Variants in CFAP61 observed in about 807,000 individuals in gnomAD.
CFAP61 encodes cilia and flagella associated protein 61, also known as cilia- and flagella-associated protein 61.
CFAP61 carries 107 observed loss-of-function variants against 135.6 expected under a neutral mutation model. That is an observed-to-expected ratio of 0.79 (90% CI 0.67 to 0.93). The LOEUF (loss-of-function observed/expected upper bound fraction) is 0.93, where lower values mean the gene tolerates loss of function less well. CFAP61 is among the 40% of genes least tolerant of loss of function. The pLI is 0.00. For missense variants in CFAP61, 1,507 were observed against 1,556.2 expected (o/e 0.97, Z 0.53); for synonymous variants, 575 against 578.5 (o/e 0.99, Z 0.09).
intron 24 of CFAP61, among the ~76,000 whole-genome samples, chr20:20,294,656 C>T (rs1601855768): frequency 2.6e-5 from 4 of 152,240 alleles, no homozygotes; most frequent in South Asian, 2.1e-4. Context: ...AGGTCGGGCG[C>T]GGTGGCTCAC....
intron 18 of CFAP61, among the ~76,000 whole-genome samples, chr20:20,244,177 A>G (rs1442604662): frequency 6.6e-6 from 1 of 152,026 alleles, no homozygotes; most frequent in African/African-American, 2.4e-5. Context: ...TGGTAGATCT[A>G]CCATTCTGGG....
rs114442015 is a variant in CFAP61, at chr20:20,298,292, G to A, written c.3328G>A (p.Ala1110Thr). The change falls in exon 25 of 27, where the codon GCC becomes ACC. Residue 1110 changes from alanine (A) to threonine (T), a missense_variant. Transcript: ENST00000245957. ...ITCLSREPFP[A>T]SNYIRLFGQH... is the part of the protein sequence containing the mutation. ...GTGCCTTTCTAGGGAGCCCTTCCCC[G>A]CCTCCAACTACATCCGCTTGTTTGG... The A allele has an allele frequency of 1.6e-4, 253 of 1,614,022 alleles. 1 individual carries two copies. The East Asian group carries it at 4.6e-3, about 29-fold the overall frequency.
At chr20:20,115,564 T>TA (rs1484257709) in intron 8 of CFAP61, among the ~76,000 whole-genome samples, 3 of 152,056 alleles carry the variant, frequency 2.0e-5, no homozygotes, top group African/African-American at 7.2e-5. Flanking sequence ...TTCTACCCAT[T>TA]ACAAATTTTC....
chr20:20,360,215 A>G lies in CFAP61; in HGVS notation c.3519A>G (p.Glu1173=). ...CCTCTTACTGTGTTTTACAGGAGGA[A>G]GATCTTCCTTCCATAGAGCAGTTAG... ...LRQILASKEE[E]DLPSIEQLAH... The change falls in exon 27 of 27, where the codon GAA becomes GAG. Residue 1173 remains glutamate (E), a synonymous_variant. Coordinates refer to ENST00000245957, the MANE Select transcript of CFAP61 (RefSeq NM_015585.4). The G allele has an allele frequency of 6.2e-7, 1 of 1,612,764 alleles. No individual in the cohort carries two copies. The highest frequency in any genetic ancestry group is 8.5e-7 in the Non-Finnish European group (1 of 1,178,820).
intron 6 of CFAP61, among the ~76,000 whole-genome samples, chr20:20,083,333 G>A (rs991932345): frequency 2.0e-5 from 3 of 151,938 alleles, no homozygotes; most frequent in Non-Finnish European, 4.4e-5. Flanking sequence ...GGACCGTGGG[G>A]GCTGGGGAGG....
At chr20:20,080,863 G>C (rs924815848) in intron 6 of CFAP61, among the ~76,000 whole-genome samples, 2 of 151,832 alleles carry the variant, frequency 1.3e-5, no homozygotes, top group African/African-American at 4.8e-5. Context: ...TTAACTGGGC[G>C]TGGTGGCATG....
Position 20,359,821 on chromosome 20 carries a change from G to T in CFAP61, c.3514-389G>T, listed in dbSNP as rs75973709. Among the ~76,000 whole-genome samples the T allele has an allele frequency of 1.5e-4, 23 of 152,310 alleles. No homozygotes were observed. In the East Asian group the frequency reaches 4.4e-3, roughly 29 times the overall value. ...CAGTCACAAAAAAAAGTACTACAGG[G>T]TTCCACTCATATGAGATGCCTGCGT... On this transcript the variant is annotated intron_variant, in intron 26 of 26. Transcript: ENST00000245957. This position sits in a 1 kb window ranked among gnomAD's most constrained non-coding sequence, Gnocchi z 4.0.
At chr20:20,268,875 A>G (rs1443770108) in intron 21 of CFAP61, among the ~76,000 whole-genome samples, 1 of 152,144 alleles carries the variant, frequency 6.6e-6, no homozygotes, top group African/African-American at 2.4e-5. Flanking sequence ...AAATGGATCA[A>G]TTATTTTCAT....
chr20:20,306,552 A>G (rs992043035), intron 25 of CFAP61, among the ~76,000 whole-genome samples: 1 of 152,160 alleles, frequency 6.6e-6, no homozygotes, highest in Non-Finnish European at 1.5e-5. Flanking sequence ...ATTTTGTTTT[A>G]TGTTTAAGGC....
At chr20:20,355,364 C>CTG (rs1440186250) in intron 26 of CFAP61, among the ~76,000 whole-genome samples, 4 of 110,434 alleles carry the variant, frequency 3.6e-5, no homozygotes, top group African/African-American at 1.1e-4. Context: ...GGTGGTCACA[C>CTG]TGAGGGGAGG....
intron 19 of CFAP61, among the ~76,000 whole-genome samples, chr20:20,247,870 T>G (rs2050586741): frequency 1.3e-5 from 2 of 152,230 alleles, no homozygotes; most frequent in Non-Finnish European, 2.9e-5. Context: ...GACCACACCA[T>G]TCATTTGAAG....
intron 18 of CFAP61, among the ~76,000 whole-genome samples, chr20:20,243,951 T>A (rs1041693584): frequency 2.6e-5 from 4 of 152,132 alleles, no homozygotes; most frequent in Non-Finnish European, 5.9e-5. Context: ...TCCATGCAAG[T>A]CCGAAATCCA....
At chr20:20,227,358 G>A (rs1024327889) in intron 17 of CFAP61, among the ~76,000 whole-genome samples, 1 of 152,206 alleles carries the variant, frequency 6.6e-6, no homozygotes, top group South Asian at 2.1e-4. Flanking sequence ...TGTTTCCAAT[G>A]AGAAGTCAGC....
intron 3 of CFAP61, among the ~76,000 whole-genome samples, chr20:20,073,442 G>T (rs556288115): frequency 6.6e-6 from 1 of 152,322 alleles, no homozygotes; most frequent in East Asian, 1.9e-4. Context: ...AGTGCCACTG[G>T]TCCCACAAAG....
chr20:20,090,730 A>G (rs2146615824), intron 6 of CFAP61, 114 bp from the exon 7 acceptor site: 2 of 844,158 alleles, frequency 2.4e-6, no homozygotes, highest in Middle Eastern at 2.5e-4. Flanking sequence ...AGTTGATATC[A>G]TGAGTGTTGC....
chr20:20,113,966 CA>C (rs11456473), intron 8 of CFAP61, among the ~76,000 whole-genome samples: 13,819 of 94,294 alleles, frequency 0.15, 447 homozygotes, highest in Non-Finnish European at 0.16. Flanking sequence ...CATGAGAGCT[CA>C]AAAAAAAAAA....
At chr20:20,314,220 C>CAAAAAAAAAA in intron 25 of CFAP61, among the ~76,000 whole-genome samples, 1 of 95,412 alleles carries the variant, frequency 1.0e-5, no homozygotes, top group Admixed American at 1.2e-4. Context: ...CCCATCTCTA[C>CAAAAAAAAAA]AAAAAAAAAA....
In CFAP61 at chr20:20,161,871, C is replaced by G. The variant is rs1336032995; in HGVS notation, c.1027-2179C>G. Among the ~76,000 whole-genome samples the G allele has an allele frequency of 4.0e-5, 6 of 148,996 alleles. No homozygotes were observed. In the Admixed American group the frequency reaches 4.0e-4, roughly 10 times the overall value. On this transcript the variant is annotated intron_variant, in intron 10 of 26. Transcript: ENST00000245957. ...GAGGAATCCACAGCCCCTCCTCCAG[C>G]CACGCCCTCTCAATGCCAGGAGCCA...
intron 25 of CFAP61, among the ~76,000 whole-genome samples, chr20:20,307,331 G>A (rs899168645): frequency 5.9e-5 from 9 of 152,222 alleles, no homozygotes; most frequent in African/African-American, 2.2e-4. Flanking sequence ...CCCATAAAAT[G>A]GAGATGTAAT....
Sources: gnomAD v4.1 joint callset for allele counts (sites outside exome capture counted in the v4.1 genomes callset) on GRCh38, gnomAD v4.1.1 for gene constraint, Gnocchi (gnomAD v3.1) non-coding constraint, MANE v1.5 for transcripts, NCBI Gene and HGNC (gene_info 2026-07-23, HGNC 2026-07-21) for gene names.